The following SRGAP3 variants were observed in gnomAD, a reference collection of about 807,000 sequenced individuals.
SRGAP3 encodes SLIT-ROBO Rho GTPase activating protein 3, also known as SLIT-ROBO Rho GTPase-activating protein 3.
SRGAP3 carries 39 observed loss-of-function variants against 121.1 expected under a neutral mutation model. The observed-to-expected ratio is 0.32, with a 90% CI of 0.25 to 0.42. SRGAP3 has a LOEUF of 0.42. SRGAP3 is among the 10% of genes least tolerant of loss of function. SRGAP3 has a pLI of 1.00. For synonymous variants in SRGAP3, 601 were observed against 570.0 expected (o/e 1.05, Z -0.77); for missense variants, 1,213 against 1,470.6 (o/e 0.82, Z 2.86).
chr3:9,102,157 A>G (rs1416692307), intron 3 of SRGAP3, among the ~76,000 whole-genome samples: 1 of 152,194 alleles, frequency 6.6e-6, no homozygotes, highest in Non-Finnish European at 1.5e-5. Context: ...AGTGGTTTCT[A>G]TTCTTAGGGA....
In SRGAP3 at chr3:9,075,301, T is replaced by C. The variant is rs201211274; in HGVS notation, c.486+4724A>G. ...GTGCGCACGCTTGCATATATGTGTA[T>C]GTACATACAAGCACGTGAATGTGCA... On this transcript the variant is annotated intron_variant, in intron 4 of 21. Coordinates refer to ENST00000383836, the MANE Select transcript of SRGAP3 (RefSeq NM_014850.4). Among the ~76,000 whole-genome samples the C allele has an allele frequency of 7.2e-5, 11 of 152,218 alleles. No individual in the cohort carries two copies. In the East Asian group the frequency reaches 1.9e-3, roughly 27 times the overall value.
intron 3 of SRGAP3, among the ~76,000 whole-genome samples, chr3:9,313,866 C>T (rs1490270658): frequency 1.3e-5 from 2 of 151,638 alleles, no homozygotes; most frequent in Non-Finnish European, 1.5e-5. Context: ...TGGTGGCATG[C>T]GCCTGCAGTC....
chr3:9,071,364 G>A (rs954446382), intron 4 of SRGAP3, among the ~76,000 whole-genome samples: 4 of 152,084 alleles, frequency 2.6e-5, no homozygotes, highest in Admixed American at 2.6e-4. Context: ...CACAATCCTG[G>A]GGTGGGCATG....
intron 3 of SRGAP3, among the ~76,000 whole-genome samples, chr3:9,263,980 T>G (rs369725473): frequency 7.9e-5 from 12 of 152,296 alleles, no homozygotes; most frequent in Admixed American, 5.9e-4. Context: ...AATAAAATAT[T>G]GGCAAACCGA....
At chr3:9,328,785 G>A (rs775004395) in intron 2 of SRGAP3, among the ~76,000 whole-genome samples, 8 of 152,234 alleles carry the variant, frequency 5.3e-5, no homozygotes, top group South Asian at 2.1e-4. Flanking sequence ...GAGCTACAGC[G>A]TGGGGTAGTC....
chr3:9,002,481 GA>G (rs935652254), intron 18 of SRGAP3, among the ~76,000 whole-genome samples: 2 of 151,912 alleles, frequency 1.3e-5, no homozygotes, highest in African/African-American at 4.8e-5. Context: ...CTATATTAGG[GA>G]AAAAAACCCA....
chr3:9,279,582 C>T (rs903029431), intron 3 of SRGAP3, among the ~76,000 whole-genome samples: 5 of 147,444 alleles, frequency 3.4e-5, no homozygotes, highest in Non-Finnish European at 7.4e-5. Flanking sequence ...GGCGCAATCT[C>T]GGCTCACAGC....
intron 11 of SRGAP3, chr3:9,033,308 T>C (rs1944583332): frequency 6.4e-6 from 1 of 156,532 alleles, no homozygotes. Context: ...ATTTCAGAGA[T>C]GAAGAAACTG....
intron 1 of SRGAP3, among the ~76,000 whole-genome samples, chr3:9,204,749 A>C (rs1952202055): frequency 6.6e-6 from 1 of 152,164 alleles, no homozygotes; most frequent in South Asian, 2.1e-4. Flanking sequence ...CCGGGCAATC[A>C]CAGGCCCTCC....
chr3:9,318,717 A>AC (rs1955390865), intron 3 of SRGAP3, among the ~76,000 whole-genome samples: 1 of 151,402 alleles, frequency 6.6e-6, no homozygotes, highest in African/African-American at 2.4e-5. Flanking sequence ...GTACAAAAAA[A>AC]AAAAAAATTT....
chr3:9,016,789 C>A (rs1465217630), intron 14 of SRGAP3, among the ~76,000 whole-genome samples: 1 of 152,136 alleles, frequency 6.6e-6, no homozygotes, highest in African/African-American at 2.4e-5. Context: ...CTAATTATGT[C>A]ATTTCTTCTC....
chr3:9,086,021 G>A (rs1575051353), intron 3 of SRGAP3, among the ~76,000 whole-genome samples: 1 of 152,142 alleles, frequency 6.6e-6, no homozygotes, highest in South Asian at 2.1e-4. Flanking sequence ...TTCTAGTAAG[G>A]CAGCCTGCAT....
In SRGAP3 at chr3:9,275,084, C is replaced by T. The variant is rs528468885; in HGVS notation, n.442+50926G>A. Among the ~76,000 whole-genome samples, 239 of 152,296 alleles carry T rather than the reference C, an allele frequency of 1.6e-3. 1 individual carries two copies. The highest frequency in any genetic ancestry group is 0.01 in the South Asian group (49 of 4,822). On this transcript the variant is annotated intron_variant and non_coding_transcript_variant, in intron 3 of 3. Coordinates refer to the SRGAP3 transcript ENST00000490889. ...ACCTGCCCTCTTCTGCCCAGAGTTT[C>T]CCTGCCTCTTCTCCCTATCAACATT...
At position 9,010,326 on chromosome 3, in the gene SRGAP3, G is replaced by A. The variant is rs771570436; in HGVS notation, c.2209C>T (p.Pro737Ser). The A allele has an allele frequency of 1.2e-6, 2 of 1,614,140 alleles. No individual in the cohort carries two copies. Among genetic ancestry groups the A allele is most frequent in the South Asian group, 1.1e-5 (1 of 91,074 alleles). The change falls in exon 18 of 22, where the codon CCT becomes TCT. Residue 737 changes from proline (P) to serine (S), a missense_variant. This residue lies in a region of SRGAP3 where 793 missense variants were observed against 1,032.9 expected (regional missense o/e 0.77). Coordinates refer to ENST00000383836, the MANE Select transcript of SRGAP3 (RefSeq NM_014850.4). ...DEVDHDNGTEPHTSDEEVEQI... is the reference protein window; with the variant it reads ...DEVDHDNGTESHTSDEEVEQI... ...CACTCACCTTCATCGCTGGTATGAG[G>A]CTCAGTGCCATTGTCATGGTCAACT...
intron 1 of SRGAP3, among the ~76,000 whole-genome samples, chr3:9,213,420 A>C (rs1952511587): frequency 6.6e-6 from 1 of 152,098 alleles, no homozygotes; most frequent in South Asian, 2.1e-4. Context: ...AAGGGGAAAC[A>C]CAAGGCATCC....
At chr3:9,298,301 A>G (rs1485823457) in intron 3 of SRGAP3, among the ~76,000 whole-genome samples, 3 of 152,242 alleles carry the variant, frequency 2.0e-5, no homozygotes, top group Non-Finnish European at 4.4e-5. Flanking sequence ...TATTATTACT[A>G]TTAAAACATA....
At chr3:9,288,141 T>TTTTTTTTTC (rs1954809549) in intron 3 of SRGAP3, among the ~76,000 whole-genome samples, 1 of 150,438 alleles carries the variant, frequency 6.6e-6, no homozygotes, top group Non-Finnish European at 1.5e-5. Flanking sequence ...TTTTTTTTTT[T>TTTTTTTTTC]TTTTTTTCTT....
At chr3:9,189,975 CT>C (rs1248905601) in intron 1 of SRGAP3, among the ~76,000 whole-genome samples, 1 of 152,198 alleles carries the variant, frequency 6.6e-6, no homozygotes, top group Non-Finnish European at 1.5e-5. Flanking sequence ...ATCCTAAGTG[CT>C]TTTCATGTAT....
intron 3 of SRGAP3, among the ~76,000 whole-genome samples, chr3:9,288,715 T>C (rs985993869): frequency 6.7e-6 from 1 of 150,106 alleles, no homozygotes; most frequent in East Asian, 2.0e-4. Flanking sequence ...GTTGGGACTA[T>C]AGTGCATGTC....
Sources: allele counts gnomAD v4.1 joint callset (sites outside exome capture counted in the v4.1 genomes callset), GRCh38; gene constraint gnomAD v4.1.1; regional missense constraint gnomAD v4.1.1; transcripts MANE v1.5; gene names NCBI Gene and HGNC (gene_info 2026-07-23, HGNC 2026-07-21).